Variants in EFNA5 observed in about 807,000 individuals in gnomAD.
The protein encoded by EFNA5 is ephrin-A5.
In EFNA5, 5 loss-of-function variants were observed where a neutral mutation model predicts 22.9. The observed-to-expected ratio is 0.22, with a 90% CI of 0.11 to 0.46. EFNA5 has a LOEUF of 0.46. Ranked by LOEUF, EFNA5 falls within the 20% of genes least tolerant of loss-of-function variation. The pLI is 0.99. For missense variants in EFNA5, 237 were observed against 293.3 expected (o/e 0.81, Z 1.40); for synonymous variants, 113 against 112.2 (o/e 1.01, Z -0.04).
intron 1 of EFNA5, among the ~76,000 whole-genome samples, chr5:107,437,844 A>G (rs1463587376): frequency 6.6e-6 from 1 of 152,236 alleles, no homozygotes; most frequent in Non-Finnish European, 1.5e-5. Context: ...AGATCAGGAA[A>G]CAAAATAATG....
intron 1 of EFNA5, among the ~76,000 whole-genome samples, chr5:107,641,359 A>C (rs1182327244): frequency 6.2e-5 from 1 of 16,022 alleles, no homozygotes; most frequent in Non-Finnish European, 2.3e-4. Flanking sequence ...CTCTGTCTCA[A>C]AAAAAAAAAA....
chr5:107,622,878 G>A (rs1258291947), intron 1 of EFNA5, among the ~76,000 whole-genome samples: 2 of 151,016 alleles, frequency 1.3e-5, no homozygotes, highest in Admixed American at 6.6e-5. Context: ...AAAATTAGCC[G>A]GGCGCGGTGG....
intron 1 of EFNA5, among the ~76,000 whole-genome samples, chr5:107,650,796 A>G (rs977691183): frequency 6.6e-6 from 1 of 152,136 alleles, no homozygotes; most frequent in Admixed American, 6.5e-5. Context: ...TCAGGAACCA[A>G]GCTTACCTGC....
chr5:107,433,281 A>T (rs968087049), intron 1 of EFNA5, among the ~76,000 whole-genome samples: 1 of 152,230 alleles, frequency 6.6e-6, no homozygotes, highest in Non-Finnish European at 1.5e-5. Context: ...GTTCAGAATC[A>T]ATGTCATATA....
chr5:107,566,061 C>T (rs1561434780), intron 1 of EFNA5, among the ~76,000 whole-genome samples: 1 of 152,122 alleles, frequency 6.6e-6, no homozygotes, highest in Non-Finnish European at 1.5e-5. Context: ...CATTGATATT[C>T]CCAGAAGATT....
At chr5:107,534,356 A>C (rs1399897503) in intron 1 of EFNA5, among the ~76,000 whole-genome samples, 1 of 152,180 alleles carries the variant, frequency 6.6e-6, no homozygotes, top group Non-Finnish European at 1.5e-5. Context: ...TAAACACATG[A>C]GCTAAGAGAA....
At chr5:107,434,998 G>T (rs895854485) in intron 1 of EFNA5, among the ~76,000 whole-genome samples, 61 of 152,156 alleles carry the variant, frequency 4.0e-4, no homozygotes, top group African/African-American at 1.4e-3. Context: ...TCAGCTTAGG[G>T]TTCCTCCAAA....
At chr5:107,524,884 T>C (rs1747663097) in intron 1 of EFNA5, among the ~76,000 whole-genome samples, 1 of 152,184 alleles carries the variant, frequency 6.6e-6, no homozygotes, top group Admixed American at 6.5e-5. Context: ...ATTTCAATAG[T>C]AGTAAATATT....
intron 1 of EFNA5, among the ~76,000 whole-genome samples, chr5:107,633,850 A>G (rs1750314098): frequency 6.6e-6 from 1 of 152,290 alleles, no homozygotes; most frequent in South Asian, 2.1e-4. Flanking sequence ...CAGGCCACAG[A>G]TCCAAAGAAC....
intron 1 of EFNA5, among the ~76,000 whole-genome samples, chr5:107,627,064 T>TA: frequency 6.6e-6 from 1 of 152,316 alleles, no homozygotes; most frequent in African/African-American, 2.4e-5. Context: ...TGCTTTCTAT[T>TA]AAAAAATAGG....
rs577011224 is a variant in EFNA5 at position 107,580,801 on chromosome 5, G to A, written c.125+89688C>T. Among the ~76,000 whole-genome samples the A allele has an allele frequency of 8.6e-5, 13 of 151,162 alleles. No individual in the cohort carries two copies. The East Asian group carries it at 2.1e-3, about 25-fold the overall frequency. The stretch of plus-strand genomic sequence containing the variant: ...AAACACCACAGAAAAATAAGCATGC[G>A]CCCACATTGTGTTGTACCACTCCAT... On this transcript the variant is annotated intron_variant, in intron 1 of 4. Coordinates refer to ENST00000333274, the MANE Select transcript of EFNA5 (RefSeq NM_001962.3).
chr5:107,424,663 G>A (rs955817082), intron 2 of EFNA5, among the ~76,000 whole-genome samples: 1 of 152,150 alleles, frequency 6.6e-6, no homozygotes, highest in East Asian at 1.9e-4. Flanking sequence ...ATCTTGTAAC[G>A]TAGTAAGTGT....
intron 1 of EFNA5, among the ~76,000 whole-genome samples, chr5:107,578,421 C>T (rs935008090): frequency 7.2e-5 from 11 of 152,072 alleles, no homozygotes; most frequent in Admixed American, 7.2e-4. Context: ...CCCTGGACAC[C>T]AACCCAGAGA....
At chr5:107,626,252 T>C (rs1469689032) in intron 1 of EFNA5, among the ~76,000 whole-genome samples, 1 of 152,196 alleles carries the variant, frequency 6.6e-6, no homozygotes, top group Non-Finnish European at 1.5e-5. Flanking sequence ...AACAGAATAG[T>C]ACACAGTATG....
intron 1 of EFNA5, among the ~76,000 whole-genome samples, chr5:107,649,511 A>G (rs950039194): frequency 4.6e-5 from 7 of 152,166 alleles, no homozygotes; most frequent in Non-Finnish European, 7.4e-5. Context: ...GATTTCATGG[A>G]TCCAAAATTA....
At chr5:107,660,133 G>C (rs1750914797) in intron 1 of EFNA5, among the ~76,000 whole-genome samples, 1 of 150,806 alleles carries the variant, frequency 6.6e-6, no homozygotes, top group Non-Finnish European at 1.5e-5. Flanking sequence ...TTCCATACAA[G>C]ACCCTTTGCT....
chr5:107,527,775 A>T (rs1421927614), intron 1 of EFNA5, among the ~76,000 whole-genome samples: 1 of 152,126 alleles, frequency 6.6e-6, no homozygotes, highest in African/African-American at 2.4e-5. Context: ...TTTCATAATA[A>T]CCTCATATAA....
chr5:107,556,053 T>G (rs935840476), intron 1 of EFNA5, among the ~76,000 whole-genome samples: 1 of 152,226 alleles, frequency 6.6e-6, no homozygotes, highest in Non-Finnish European at 1.5e-5. Flanking sequence ...ATACCCATTC[T>G]GAGCCCTTAT....
intron 1 of EFNA5, among the ~76,000 whole-genome samples, chr5:107,545,159 G>A (rs563824520): frequency 4.6e-5 from 7 of 152,348 alleles, no homozygotes; most frequent in African/African-American, 9.6e-5. Flanking sequence ...CCTTAAAGAT[G>A]TGTGTGAAAG....
Sources: allele counts gnomAD v4.1 joint callset (sites outside exome capture counted in the v4.1 genomes callset), GRCh38; gene constraint gnomAD v4.1.1; transcripts MANE v1.5; gene names NCBI Gene and HGNC (gene_info 2026-07-23, HGNC 2026-07-21).